Variants in PCDHA3 observed in about 807,000 individuals in gnomAD.
PCDHA3 encodes protocadherin alpha-3.
In PCDHA3, 41 loss-of-function variants were observed where a neutral mutation model predicts 62.2. The ratio of observed to expected loss-of-function variants is 0.66; its 90% CI spans 0.51 to 0.86. PCDHA3 has a LOEUF of 0.86. PCDHA3 is among the 40% of genes least tolerant of loss of function. The pLI is 0.00. For missense variants in PCDHA3, 1,304 were observed against 1,241.2 expected (o/e 1.05, Z -0.76); for synonymous variants, 640 against 555.4 (o/e 1.15, Z -2.14).
intron 1 of PCDHA3, chr5:140,929,584 A>T: frequency 2.3e-6 from 1 of 433,584 alleles, no homozygotes; most frequent in Non-Finnish European, 4.1e-6. Context: ...GTAATATGAC[A>T]TAAAGGTCTA....
At chr5:140,839,261 T>A (rs1477628159) in intron 1 of PCDHA3, among the ~76,000 whole-genome samples, 1 of 152,104 alleles carries the variant, frequency 6.6e-6, no homozygotes, top group African/African-American at 2.4e-5. Context: ...CTTACATGCA[T>A]GTATATTTAA....
At chr5:140,869,725 C>T (rs1326402140) in intron 1 of PCDHA3, 1 of 1,613,284 alleles carries the variant, frequency 6.2e-7, no homozygotes, top group Non-Finnish European at 8.5e-7. Flanking sequence ...AACTCCGGAA[C>T]TTAATTTGCT....
intron 1 of PCDHA3, chr5:140,856,405 C>T: frequency 6.3e-7 from 1 of 1,598,432 alleles, no homozygotes; most frequent in Non-Finnish European, 8.6e-7. Flanking sequence ...TCCATGTGGA[C>T]GTGGAAGTGA....
intron 1 of PCDHA3, among the ~76,000 whole-genome samples, chr5:140,912,269 A>T (rs1463580948): frequency 6.6e-6 from 1 of 151,984 alleles, no homozygotes; most frequent in African/African-American, 2.4e-5. Context: ...ACCCTCACAG[A>T]TATACCCAGG....
intron 1 of PCDHA3, chr5:140,807,057 TGGAA>T (rs1763836882): frequency 4.6e-6 from 5 of 1,093,530 alleles, no homozygotes; most frequent in Non-Finnish European, 5.3e-6. Flanking sequence ...CTATTCTTAC[TGGAA>T]GGAACCATAT....
intron 1 of PCDHA3, chr5:140,835,887 C>G (rs1554135389): frequency 1.2e-6 from 2 of 1,611,898 alleles, no homozygotes; most frequent in Non-Finnish European, 1.7e-6. Flanking sequence ...GGTGGGCGAG[C>G]GCGCGCTGTC....
intron 1 of PCDHA3, chr5:140,829,396 G>A (rs2150167101): frequency 6.2e-7 from 1 of 1,614,172 alleles, no homozygotes. Context: ...CGCCTTCGCT[G>A]TGGGCCACCG....
At chr5:140,905,802 C>T (rs1043410620) in intron 1 of PCDHA3, among the ~76,000 whole-genome samples, 11 of 152,152 alleles carry the variant, frequency 7.2e-5, no homozygotes, top group African/African-American at 2.7e-4. Flanking sequence ...TCTAGAGGGA[C>T]AGAATTAATA....
chr5:141,008,470 C>T (rs2098378498), intron 3 of PCDHA3, among the ~76,000 whole-genome samples: 1 of 152,156 alleles, frequency 6.6e-6, no homozygotes, highest in Non-Finnish European at 1.5e-5. Context: ...GCTCTGACTT[C>T]TACTCTTCTA....
chr5:140,884,174 C>T (rs540874524), intron 1 of PCDHA3: 6 of 1,613,436 alleles, frequency 3.7e-6, no homozygotes, highest in Middle Eastern at 1.7e-4. Flanking sequence ...CACGACGCGC[C>T]CTCTGGACGA....
chr5:140,822,567 C>T (rs147998337), intron 1 of PCDHA3: 43 of 1,612,542 alleles, frequency 2.7e-5, no homozygotes, highest in African/African-American at 4.0e-5. Flanking sequence ...TTAAACTGAA[C>T]GCCTCAGATG....
intron 3 of PCDHA3, among the ~76,000 whole-genome samples, chr5:140,988,382 T>C (rs2097295449): frequency 6.6e-6 from 1 of 152,148 alleles, no homozygotes; most frequent in African/African-American, 2.4e-5. Flanking sequence ...TGAAACTCAT[T>C]GTGTTTGCCA....
intron 1 of PCDHA3, chr5:140,875,748 C>T (rs2055764549): frequency 6.2e-7 from 1 of 1,614,078 alleles, no homozygotes; most frequent in South Asian, 1.1e-5. Flanking sequence ...GGATCGACCG[C>T]GAGAAGCTGT....
At chr5:140,822,274 T>A (rs201640591) in intron 1 of PCDHA3, 1 of 1,614,216 alleles carries the variant, frequency 6.2e-7, no homozygotes, top group Non-Finnish European at 8.5e-7. Context: ...AAATGCACAA[T>A]TGAGATACAG....
At chr5:140,944,051 C>G (rs1383787401) in intron 1 of PCDHA3, among the ~76,000 whole-genome samples, 1 of 152,086 alleles carries the variant, frequency 6.6e-6, no homozygotes, top group East Asian at 1.9e-4. Context: ...GATTGGGATA[C>G]AAAAAGGTTT....
chr5:140,807,731 A>C, intron 1 of PCDHA3: 1 of 1,614,204 alleles, frequency 6.2e-7, no homozygotes, highest in South Asian at 1.1e-5. Flanking sequence ...TTCTCTGGAA[A>C]AACCACCTGA....
intron 1 of PCDHA3, among the ~76,000 whole-genome samples, chr5:140,923,179 G>T (rs982663028): frequency 3.3e-5 from 5 of 152,130 alleles, no homozygotes; most frequent in Admixed American, 1.3e-4. Flanking sequence ...TTGTTCAGAT[G>T]CATCTACTGC....
At chr5:140,863,267 C>T in intron 1 of PCDHA3, 1 of 1,457,902 alleles carries the variant, frequency 6.9e-7, no homozygotes, top group Non-Finnish European at 9.3e-7. Flanking sequence ...CGGGAGGCAG[C>T]GCTGGTGGAT....
chr5:140,892,058 T>C (rs1417540713), intron 1 of PCDHA3, among the ~76,000 whole-genome samples: 3 of 152,248 alleles, frequency 2.0e-5, no homozygotes, highest in African/African-American at 4.8e-5. Context: ...TCAAATTTAT[T>C]GTTACTTTGT....
Sources: allele counts gnomAD v4.1 joint callset (sites outside exome capture counted in the v4.1 genomes callset), GRCh38; gene constraint gnomAD v4.1.1; transcripts MANE v1.5; gene names NCBI Gene and HGNC (gene_info 2026-07-23, HGNC 2026-07-21).